HS3ST5: variants seen among roughly 807,000 people sequenced by gnomAD.
The protein encoded by HS3ST5 is heparan sulfate-glucosamine 3-sulfotransferase 5.
In HS3ST5, 10 loss-of-function variants were observed where a neutral mutation model predicts 25.4. The observed-to-expected ratio is 0.39, with a 90% CI of 0.24 to 0.67. The LOEUF (loss-of-function observed/expected upper bound fraction) is 0.67, where lower values mean the gene tolerates loss of function less well. Among genes scored for constraint, HS3ST5 ranks in the 30% least tolerant of loss-of-function variants. The pLI is 0.44. For synonymous variants in HS3ST5, 170 were observed against 162.4 expected (o/e 1.05, Z -0.36); for missense variants, 324 against 420.7 (o/e 0.77, Z 2.01).
intron 1 of HS3ST5, among the ~76,000 whole-genome samples, chr6:114,286,878 T>C (rs997577892): frequency 2.6e-5 from 4 of 152,016 alleles, no homozygotes; most frequent in South Asian, 4.1e-4. Context: ...TCTGCTAATC[T>C]TACTTTTGTG....
In HS3ST5 at chr6:114,181,467, A is replaced by G. The variant is rs181070441; in HGVS notation, c.-144-13005T>C. ...GACAATGAACCACTAAGTTTACACA[A>G]CTCTAAATTATTCTTTGGGATATTA... On this transcript the variant is annotated intron_variant, in intron 2 of 4. Coordinates refer to ENST00000312719, the MANE Select transcript of HS3ST5 (RefSeq NM_153612.4). Among the ~76,000 whole-genome samples the G allele has an allele frequency of 1.6e-4, 24 of 152,276 alleles. No homozygotes were observed. The Middle Eastern group carries it at 0.01, about 65-fold the overall frequency.
At chr6:114,130,902 A>C (rs1034576677) in intron 3 of HS3ST5, among the ~76,000 whole-genome samples, 1 of 151,634 alleles carries the variant, frequency 6.6e-6, no homozygotes, top group African/African-American at 2.4e-5. Context: ...TTAGCTGAGC[A>C]TGGTGGTGCA....
chr6:114,260,898 T>C (rs1304950087), intron 1 of HS3ST5, among the ~76,000 whole-genome samples: 3 of 151,288 alleles, frequency 2.0e-5, no homozygotes, highest in Non-Finnish European at 4.4e-5. Context: ...GGTCCTAAAC[T>C]GTTTAAAAAT....
intron 1 of HS3ST5, among the ~76,000 whole-genome samples, chr6:114,334,959 CT>C (rs1255445649): frequency 6.6e-6 from 1 of 152,068 alleles, no homozygotes; most frequent in Non-Finnish European, 1.5e-5. Context: ...GAAATTGAGC[CT>C]TATTGAAATT....
At chr6:114,288,597 GA>G (rs1774439561) in intron 1 of HS3ST5, among the ~76,000 whole-genome samples, 1 of 152,038 alleles carries the variant, frequency 6.6e-6, no homozygotes, top group African/African-American at 2.4e-5. Flanking sequence ...ATAGGCAGCA[GA>G]CAGAGAGTCA....
At chr6:114,308,961 T>C (rs1186395576) in intron 1 of HS3ST5, among the ~76,000 whole-genome samples, 5 of 152,164 alleles carry the variant, frequency 3.3e-5, no homozygotes, top group Admixed American at 2.6e-4. Context: ...CTAGGCATCA[T>C]GTTAACCGGC....
rs972992057 is a variant in HS3ST5 at position 114,214,596 on chromosome 6, G to C, written c.-145+13989C>G. 2.6e-5 allele frequency among the ~76,000 whole-genome samples: 4 copies of C among 152,124 alleles called. No individual in the cohort carries two copies. The East Asian group carries it at 7.7e-4, about 29-fold the overall frequency. ...GCTCATAATTACTCCTTAACTGCAC[G>C]TCAGAAACAATTAGAAAGGACAGTA... is the stretch of plus-strand genomic sequence containing the variant. On this transcript the variant is annotated intron_variant, in intron 2 of 4. Coordinates refer to ENST00000312719, the MANE Select transcript of HS3ST5 (RefSeq NM_153612.4).
intron 2 of HS3ST5, among the ~76,000 whole-genome samples, chr6:114,205,394 C>T (rs1425172600): frequency 6.6e-6 from 1 of 152,100 alleles, no homozygotes; most frequent in Non-Finnish European, 1.5e-5. Context: ...GGAAGAGAGG[C>T]ATAGGGGAAG....
intron 3 of HS3ST5, among the ~76,000 whole-genome samples, chr6:114,166,204 C>T (rs188677249): frequency 1.9e-3 from 286 of 152,204 alleles, no homozygotes; most frequent in African/African-American, 6.5e-3. Flanking sequence ...TGAAGCTACT[C>T]TGGACTTCGG....
chr6:114,169,235 T>C lies in HS3ST5; in HGVS notation c.-144-773A>G, dbSNP rs575590078. Among the ~76,000 whole-genome samples the C allele has an allele frequency of 6.6e-5, 10 of 152,252 alleles. 1 individual carries two copies. The South Asian group carries it at 2.1e-3, about 32-fold the overall frequency. ...ACAAAAAGATTATTTTGGTCCATAA[T>C]GGCCTAGAAACCCATCTTTTACTTG... On this transcript the variant is annotated intron_variant, in intron 2 of 4. Transcript: ENST00000312719.
intron 2 of HS3ST5, among the ~76,000 whole-genome samples, chr6:114,226,829 C>T (rs1422144016): frequency 1.3e-5 from 2 of 151,932 alleles, no homozygotes; most frequent in Admixed American, 6.6e-5. Context: ...ACATGATTCA[C>T]TTCAAGACAC....
intron 3 of HS3ST5, among the ~76,000 whole-genome samples, chr6:114,090,243 G>T (rs929147907): frequency 1.3e-5 from 2 of 152,176 alleles, no homozygotes; most frequent in Non-Finnish European, 2.9e-5. Context: ...TTCTCCGTCT[G>T]TGTAAGGCAA....
chr6:114,300,283 A>G (rs557455236), intron 1 of HS3ST5, among the ~76,000 whole-genome samples: 4 of 152,336 alleles, frequency 2.6e-5, no homozygotes, highest in African/African-American at 9.6e-5. Flanking sequence ...TTTTGTATAT[A>G]TAACATATAA....
At chr6:114,059,672 C>T (rs980538657) in intron 4 of HS3ST5, 1 of 152,348 alleles carries the variant, frequency 6.6e-6, no homozygotes, top group Non-Finnish European at 1.5e-5. Context: ...TCTCTCCTGC[C>T]ACCAAGTAAG....
At chr6:114,261,600 C>T (rs1445348809) in intron 1 of HS3ST5, among the ~76,000 whole-genome samples, 1 of 152,108 alleles carries the variant, frequency 6.6e-6, no homozygotes, top group Non-Finnish European at 1.5e-5. Context: ...AATTTGTATA[C>T]TACAAACACA....
intron 2 of HS3ST5, among the ~76,000 whole-genome samples, chr6:114,205,857 A>G (rs1353167444): frequency 6.6e-6 from 1 of 152,108 alleles, no homozygotes; most frequent in Non-Finnish European, 1.5e-5. Context: ...TAAGAATCTA[A>G]TGCTGCCACT....
At chr6:114,212,296 A>G (rs1781540848) in intron 2 of HS3ST5, among the ~76,000 whole-genome samples, 1 of 152,146 alleles carries the variant, frequency 6.6e-6, no homozygotes, top group Non-Finnish European at 1.5e-5. Context: ...TTCCTAATAT[A>G]TTTTCTCTAC....
chr6:114,217,820 T>C (rs1439534489), intron 2 of HS3ST5, among the ~76,000 whole-genome samples: 3 of 152,144 alleles, frequency 2.0e-5, no homozygotes, highest in Non-Finnish European at 4.4e-5. Context: ...TATTCTATAC[T>C]GCCTTGTATG....
chr6:114,288,834 G>A (rs549752221), intron 1 of HS3ST5, among the ~76,000 whole-genome samples: 43 of 152,102 alleles, frequency 2.8e-4, no homozygotes, highest in African/African-American at 1.0e-3. Context: ...TAGTTATGAG[G>A]ACCATTGCCT....
Sources: allele counts gnomAD v4.1 joint callset (sites outside exome capture counted in the v4.1 genomes callset), GRCh38; gene constraint gnomAD v4.1.1; transcripts MANE v1.5; gene names NCBI Gene and HGNC (gene_info 2026-07-23, HGNC 2026-07-21).